SYT9: variants seen among roughly 807,000 people sequenced by gnomAD.
SYT9 encodes the protein synaptotagmin-9.
A neutral mutation model predicts 48.4 loss-of-function variants in SYT9; 22 were observed. The ratio of observed to expected loss-of-function variants is 0.45; its 90% CI spans 0.32 to 0.65. SYT9 has a LOEUF of 0.65. SYT9 is among the 30% of genes least tolerant of loss of function. The pLI, the probability that SYT9 is intolerant of heterozygous loss-of-function variation, is 0.03. For missense variants in SYT9, 577 were observed against 622.0 expected (o/e 0.93, Z 0.77); for synonymous variants, 265 against 245.0 (o/e 1.08, Z -0.76).
intron 3 of SYT9, among the ~76,000 whole-genome samples, chr11:7,362,727 TC>T (rs1221719478): frequency 1.3e-5 from 2 of 152,178 alleles, no homozygotes; most frequent in Non-Finnish European, 2.9e-5. Flanking sequence ...TTCATTGCTT[TC>T]AACATTAATG....
At chr11:7,428,431 C>T (rs1304756323) in intron 6 of SYT9, among the ~76,000 whole-genome samples, 4 of 152,152 alleles carry the variant, frequency 2.6e-5, no homozygotes, top group African/African-American at 7.2e-5. Flanking sequence ...GTTCTTTCCC[C>T]GCAGATGAAA....
At chr11:7,367,166 C>G (rs893099900) in intron 3 of SYT9, among the ~76,000 whole-genome samples, 2 of 143,358 alleles carry the variant, frequency 1.4e-5, no homozygotes, top group African/African-American at 5.2e-5. Context: ...ACTGCAAGCT[C>G]CGCCTCCCGG....
At chr11:7,287,592 T>C (rs1190962405) in intron 1 of SYT9, among the ~76,000 whole-genome samples, 1 of 152,216 alleles carries the variant, frequency 6.6e-6, no homozygotes, top group African/African-American at 2.4e-5. Flanking sequence ...GTGGTCTCTA[T>C]CCTTAGTTAT....
chr11:7,387,370 GAAAAT>G (rs1401124064), intron 3 of SYT9, among the ~76,000 whole-genome samples: 4 of 151,958 alleles, frequency 2.6e-5, no homozygotes, highest in Middle Eastern at 3.2e-3. Context: ...TGTGCTTCTT[GAAAAT>G]AAAATAAAAA....
intron 3 of SYT9, among the ~76,000 whole-genome samples, chr11:7,380,675 T>TA (rs1218843640): frequency 1.3e-5 from 2 of 152,152 alleles, no homozygotes; most frequent in Non-Finnish European, 2.9e-5. Flanking sequence ...AGAAAAGAAT[T>TA]AATGTCTCTA....
intron 3 of SYT9, among the ~76,000 whole-genome samples, chr11:7,315,855 G>A (rs1299405594): frequency 1.3e-5 from 2 of 152,196 alleles, no homozygotes; most frequent in African/African-American, 4.8e-5. Flanking sequence ...TAAGGAGAAT[G>A]TGAAATTATT....
chr11:7,286,831 C>T (rs1848603900), intron 1 of SYT9, among the ~76,000 whole-genome samples: 3 of 152,120 alleles, frequency 2.0e-5, no homozygotes, highest in Admixed American at 2.0e-4. Flanking sequence ...TATCTAAGAC[C>T]ACCTCAGCCT....
At chr11:7,385,527 T>C (rs921562830) in intron 3 of SYT9, among the ~76,000 whole-genome samples, 1 of 151,932 alleles carries the variant, frequency 6.6e-6, no homozygotes, top group Non-Finnish European at 1.5e-5. Context: ...AAGAATCAGA[T>C]TGAAAAACTG....
chr11:7,283,541 G>A (rs921983532), intron 1 of SYT9, among the ~76,000 whole-genome samples: 9 of 152,142 alleles, frequency 5.9e-5, no homozygotes, highest in Non-Finnish European at 5.9e-5. Flanking sequence ...ATTACCCTTT[G>A]TCAAAAGCTC....
At chr11:7,273,623 T>A (rs1412978423) in intron 1 of SYT9, among the ~76,000 whole-genome samples, 1 of 152,150 alleles carries the variant, frequency 6.6e-6, no homozygotes, top group African/African-American at 2.4e-5. Context: ...CTAATGGTAG[T>A]CTGAGGGAAG....
upstream of SYT9, among the ~76,000 whole-genome samples, chr11:7,247,992 G>C (rs1273821428): frequency 6.6e-6 from 1 of 152,012 alleles, no homozygotes; most frequent in Admixed American, 6.6e-5. Flanking sequence ...AACATCTACT[G>C]TTTTTTGATT....
intron 1 of SYT9, among the ~76,000 whole-genome samples, chr11:7,297,157 TA>T (rs1245854388): frequency 1.3e-5 from 2 of 151,900 alleles, no homozygotes; most frequent in Non-Finnish European, 2.9e-5. Flanking sequence ...AGATGCTTGC[TA>T]AAAATGGAGA....
intron 5 of SYT9, among the ~76,000 whole-genome samples, chr11:7,419,181 C>T (rs1847304433): frequency 6.6e-6 from 1 of 152,228 alleles, no homozygotes; most frequent in African/African-American, 2.4e-5. Context: ...GGACATTGCC[C>T]ACCAACTGTG....
chr11:7,429,334 C>G (rs555691184), intron 6 of SYT9, among the ~76,000 whole-genome samples: 1 of 152,306 alleles, frequency 6.6e-6, no homozygotes, highest in African/African-American at 2.4e-5. Context: ...AAGATGCTCT[C>G]TCTTTCTTGT....
intron 3 of SYT9, among the ~76,000 whole-genome samples, chr11:7,380,310 T>A (rs1438989810): frequency 6.6e-6 from 1 of 150,966 alleles, no homozygotes. Context: ...GCTGGGGGAG[T>A]GTGGGGATGG....
chr11:7,411,328 A>T (rs971197650), intron 3 of SYT9, among the ~76,000 whole-genome samples: 4 of 152,084 alleles, frequency 2.6e-5, no homozygotes, highest in African/African-American at 9.7e-5. Context: ...TGTTTGGTGT[A>T]CCAGTGAGTT....
At chr11:7,347,195 T>G (rs1012524959) in intron 3 of SYT9, among the ~76,000 whole-genome samples, 6 of 152,104 alleles carry the variant, frequency 3.9e-5, no homozygotes, top group Non-Finnish European at 5.9e-5. Context: ...CTGGGACTTA[T>G]CAATTAACCA....
At chr11:7,434,264 T>C (rs1847661581) in intron 6 of SYT9, among the ~76,000 whole-genome samples, 1 of 152,230 alleles carries the variant, frequency 6.6e-6, no homozygotes, top group African/African-American at 2.4e-5. Flanking sequence ...GACTCCCATG[T>C]GGTTCAAGAT....
chr11:7,466,941 C>A lies in SYT9; in HGVS notation c.*141C>A. ...AGCTGTAACCACAGCACTAACTGGC[C>A]TTCTTTCCAGATTGGGTTTGGTGAA... is the stretch of plus-strand genomic sequence containing the variant. On this transcript the variant is annotated 3_prime_UTR_variant, in exon 7 of 7. Coordinates refer to ENST00000318881, the MANE Select transcript of SYT9 (RefSeq NM_175733.4). 1 of 1,075,164 alleles carries A rather than the reference C, an allele frequency of 9.3e-7. No individual in the cohort carries two copies. Among genetic ancestry groups the A allele is most frequent in the Non-Finnish European group, 1.4e-6 (1 of 725,210 alleles). 66.6% of individuals were successfully genotyped at this position (1,075,164 alleles called of 1,614,324 possible).
Sources: gnomAD v4.1 joint callset for allele counts (sites outside exome capture counted in the v4.1 genomes callset) on GRCh38, gnomAD v4.1.1 for gene constraint, MANE v1.5 for transcripts, NCBI Gene and HGNC (gene_info 2026-07-23, HGNC 2026-07-21) for gene names.